Variants in RAD50 observed in about 807,000 individuals in gnomAD.
RAD50 encodes RAD50 double strand break repair protein, also known as DNA repair protein RAD50.
Under a neutral mutation model 168.8 loss-of-function variants are expected in RAD50, and 132 were observed. The observed-to-expected ratio is 0.78, with a 90% confidence interval of 0.68 to 0.90. The LOEUF (loss-of-function observed/expected upper bound fraction) is 0.90, where lower values mean the gene tolerates loss of function less well. Ranked by LOEUF, RAD50 falls within the 40% of genes least tolerant of loss-of-function variation. The probability of loss-of-function intolerance (pLI) is 0.00; values close to 1 mark genes in which losing one functional copy is unlikely to be tolerated. For synonymous variants in RAD50, 525 were observed against 497.4 expected (o/e 1.06, Z -0.74); for missense variants, 1,347 against 1,534.4 (o/e 0.88, Z 2.04).
intron 21 of RAD50, among the ~76,000 whole-genome samples, chr5:132,631,979 A>G (rs1452677832): frequency 1.3e-5 from 2 of 151,936 alleles, no homozygotes; most frequent in Non-Finnish European, 2.9e-5. Context: ...ACCTCCACCC[A>G]TTATACTTCT....
rs1255118836 is a variant in RAD50, at chr5:132,631,984, A to C, written c.3390-5131A>C. ...TCCTACCCCCACCTCCACCCATTAT[A>C]CTTCTGCCAGCTTCATTTTCCTAAA... On this transcript the variant is annotated intron_variant, in intron 21 of 24. Coordinates refer to ENST00000378823, the MANE Select transcript of RAD50 (RefSeq NM_005732.4). 2.0e-5 allele frequency among the ~76,000 whole-genome samples: 3 copies of C among 151,612 alleles called. No homozygotes were observed. In the East Asian group the frequency reaches 5.8e-4, roughly 29 times the overall value.
chr5:132,615,995 A>T lies in RAD50; in HGVS notation c.3037-8A>T. The T allele has an allele frequency of 6.4e-7, 1 of 1,573,650 alleles. No homozygotes were observed. On this transcript the variant is annotated splice_region_variant and splice_polypyrimidine_tract_variant and intron_variant, in intron 19 of 24. Transcript: ENST00000378823. ...ATTTTTGTTAACTAATTTAATGTTT[A>T]CCTTTAGATACAAGAAAGGTGGCTA...
At chr5:132,631,820 C>T (rs1437936039) in intron 21 of RAD50, among the ~76,000 whole-genome samples, 1 of 152,172 alleles carries the variant, frequency 6.6e-6, no homozygotes, top group Non-Finnish European at 1.5e-5. Context: ...ATCCTCCCAC[C>T]TTAGCTTCCC....
chr5:132,626,516 TCA>T (rs2149857605), intron 21 of RAD50, among the ~76,000 whole-genome samples: 1 of 152,346 alleles, frequency 6.6e-6, no homozygotes, highest in East Asian at 1.9e-4. Context: ...TCAGAAAAGC[TCA>T]GAGGCGATTT....
chr5:132,585,793 C>T (rs1750586549), intron 5 of RAD50, among the ~76,000 whole-genome samples: 1 of 151,792 alleles, frequency 6.6e-6, no homozygotes, highest in Admixed American at 6.6e-5. Flanking sequence ...AAGGTCTCAC[C>T]AGGTTACCCA....
At chr5:132,631,118 C>CTTTTTT (rs34124696) in intron 21 of RAD50, among the ~76,000 whole-genome samples, 1 of 129,098 alleles carries the variant, frequency 7.7e-6, no homozygotes, top group Admixed American at 7.9e-5. Flanking sequence ...GAGAGTCTCA[C>CTTTTTT]TTTTTTTTTT....
chr5:132,633,681 T>A (rs1751518423), intron 21 of RAD50, among the ~76,000 whole-genome samples: 2 of 151,984 alleles, frequency 1.3e-5, no homozygotes, highest in African/African-American at 4.8e-5. Context: ...GCTCAGTTGA[T>A]CCTCTCACCT....
intron 2 of RAD50, among the ~76,000 whole-genome samples, 169 bp downstream of exon 2, chr5:132,559,536 T>C (rs866420919): frequency 1.2e-4 from 18 of 152,314 alleles, no homozygotes; most frequent in South Asian, 4.1e-4. Flanking sequence ...TCCTCCTCCT[T>C]TAAATACTGT....
intron 15 of RAD50, among the ~76,000 whole-genome samples, chr5:132,604,382 C>T (rs1236580970): frequency 2.0e-5 from 3 of 152,002 alleles, no homozygotes; most frequent in Admixed American, 6.6e-5. Context: ...TCTCCTGCCT[C>T]ACCCTCCTGA....
At chr5:132,642,137 A>C in intron 24 of RAD50, 41 bp from the exon 25 acceptor site, 1 of 1,587,782 alleles carries the variant, frequency 6.3e-7, no homozygotes, top group Non-Finnish European at 8.6e-7. Context: ...AGAAGGGGTT[A>C]TGCTCTTTAC....
At chr5:132,621,020 A>G (rs886160258) in intron 21 of RAD50, among the ~76,000 whole-genome samples, 2 of 152,218 alleles carry the variant, frequency 1.3e-5, no homozygotes, top group African/African-American at 4.8e-5. Flanking sequence ...GAAAATCTAC[A>G]TAAACATAGA....
intron 24 of RAD50, 78 bp downstream of exon 24, chr5:132,640,883 AAG>A (rs1454477455): frequency 2.7e-5 from 43 of 1,599,372 alleles, no homozygotes; most frequent in Non-Finnish European, 3.6e-5. Flanking sequence ...CTTCAAAACC[AAG>A]AGAGTTCTGT....
chr5:132,634,065 A>G (rs916666871), intron 21 of RAD50, among the ~76,000 whole-genome samples: 8 of 152,016 alleles, frequency 5.3e-5, no homozygotes, highest in Middle Eastern at 3.2e-3. Context: ...TCTCTTCTAT[A>G]TGAACTTTAG....
intron 16 of RAD50, among the ~76,000 whole-genome samples, chr5:132,608,220 G>T (rs760732632): frequency 3.3e-5 from 5 of 152,170 alleles, no homozygotes; most frequent in Non-Finnish European, 5.9e-5. Flanking sequence ...GCAGTGACGG[G>T]CACCTATAAA....
intron 21 of RAD50, among the ~76,000 whole-genome samples, chr5:132,621,164 C>T (rs551482003): frequency 6.6e-6 from 1 of 152,088 alleles, no homozygotes; most frequent in Non-Finnish European, 1.5e-5. Flanking sequence ...TCGTGGAGCA[C>T]CATTATCAGT....
chr5:132,560,051 T>C (rs979346340), intron 2 of RAD50, among the ~76,000 whole-genome samples: 11 of 147,580 alleles, frequency 7.5e-5, no homozygotes, highest in African/African-American at 2.8e-4. Context: ...GAAACAACAA[T>C]ACACACACAC....
chr5:132,608,436 C>T (rs1322228648), intron 16 of RAD50, among the ~76,000 whole-genome samples, 179 bp from the exon 17 acceptor site: 1 of 152,116 alleles, frequency 6.6e-6, no homozygotes, highest in Non-Finnish European at 1.5e-5. Context: ...TCTGTTTGCT[C>T]GTTTGAAATA....
At chr5:132,602,471 G>A (rs1242447581) in intron 13 of RAD50, among the ~76,000 whole-genome samples, 2 of 152,234 alleles carry the variant, frequency 1.3e-5, no homozygotes, top group East Asian at 3.9e-4. Flanking sequence ...CTACAGTAGT[G>A]AGTACCAGTA....
chr5:132,618,366 A>G (rs1561650982), intron 21 of RAD50, 72 bp downstream of exon 21: 1 of 1,574,246 alleles, frequency 6.4e-7, no homozygotes, highest in Non-Finnish European at 8.6e-7. Context: ...CTTTTCTCTC[A>G]TTTTTTTCTT....
Sources: gnomAD v4.1 joint callset for allele counts (sites outside exome capture counted in the v4.1 genomes callset) on GRCh38, gnomAD v4.1.1 for gene constraint, MANE v1.5 for transcripts, NCBI Gene and HGNC (gene_info 2026-07-23, HGNC 2026-07-21) for gene names.